Variants in CENPE observed in about 807,000 individuals in gnomAD.
CENPE encodes the protein centromere protein E.
In CENPE, 145 loss-of-function variants were observed where a neutral mutation model predicts 336.1. That is an observed-to-expected ratio of 0.43 (90% CI 0.38 to 0.50). The LOEUF (loss-of-function observed/expected upper bound fraction) is 0.50, where lower values mean the gene tolerates loss of function less well. Ranked by LOEUF, CENPE falls within the 20% of genes least tolerant of loss-of-function variation. The pLI, the probability that CENPE is intolerant of heterozygous loss-of-function variation, is 0.00. For synonymous variants in CENPE, 1,013 were observed against 984.8 expected (o/e 1.03, Z -0.54); for missense variants, 2,719 against 3,023.3 (o/e 0.90, Z 2.36).
intron 8 of CENPE, among the ~76,000 whole-genome samples, chr4:103,189,017 C>G (rs1035633624): frequency 6.6e-6 from 1 of 152,190 alleles, no homozygotes; most frequent in Non-Finnish European, 1.5e-5. Flanking sequence ...ATAAACACCT[C>G]TATGCAAATA....
intron 48 of CENPE, 83 bp downstream of exon 48, chr4:103,108,719 TA>T: frequency 7.8e-7 from 1 of 1,277,632 alleles, no homozygotes; most frequent in Non-Finnish European, 1.1e-6. Flanking sequence ...ATCTCTTATC[TA>T]AACTTGCCCT....
At chr4:103,115,822 C>A (rs922676989) in intron 45 of CENPE, among the ~76,000 whole-genome samples, 2 of 151,436 alleles carry the variant, frequency 1.3e-5, no homozygotes, top group Non-Finnish European at 2.9e-5. Context: ...GCTCCGCCTC[C>A]CGGGTTCACA....
Position 103,140,254 on chromosome 4 carries a change from A to T in CENPE, c.5913+2T>A. On this transcript the variant is annotated splice_donor_variant, in intron 37 of 48. Transcript: ENST00000265148. LOFTEE classifies it high-confidence loss of function. ...CCAAAAGAAGAACAAAACAACACAT[A>T]CCTTTTTCTGTAATTCATCTTTTGA... The T allele has an allele frequency of 1.3e-6, 2 of 1,587,360 alleles. No homozygotes were observed. The highest frequency in any genetic ancestry group is 1.7e-6 in the Non-Finnish European group (2 of 1,170,664).
At position 103,132,083 on chromosome 4, in the gene CENPE, C is replaced by G. The variant is rs189628959; in HGVS notation, c.6924+610G>C. Among the ~76,000 whole-genome samples, 17 of 152,134 alleles carry G rather than the reference C, an allele frequency of 1.1e-4. No individual in the cohort carries two copies. In the East Asian group the frequency reaches 3.3e-3, roughly 29 times the overall value. ...GAATGTACTATGCCAAGTGTGAACC[C>G]TAATGTAAGCTACGGACTCTCTTGG... On this transcript the variant is annotated intron_variant, in intron 42 of 48. Coordinates refer to ENST00000265148, the MANE Select transcript of CENPE (RefSeq NM_001813.3).
intron 42 of CENPE, among the ~76,000 whole-genome samples, chr4:103,126,327 G>C (rs1042414042): frequency 6.6e-6 from 1 of 151,912 alleles, no homozygotes; most frequent in Non-Finnish European, 1.5e-5. Flanking sequence ...TTTCACCAGA[G>C]CCTAACATGC....
chr4:103,116,865 AT>A lies in CENPE; in HGVS notation c.7330-177del, dbSNP rs74503900. Among the ~76,000 whole-genome samples, 17 of 152,282 alleles carry A rather than the reference AT, an allele frequency of 1.1e-4. No homozygotes were observed. In the East Asian group the frequency reaches 3.3e-3, roughly 29 times the overall value. ...ATAACTAGATATTGATATGAAGTCT[AT>A]TTGAAGCTAATATGCAATTAGAAAC... is the stretch of plus-strand genomic sequence containing the variant. On this transcript the variant is annotated intron_variant, in intron 44 of 48. Coordinates refer to ENST00000265148, the MANE Select transcript of CENPE (RefSeq NM_001813.3).
At chr4:103,154,583 G>A (rs1352029475) in intron 24 of CENPE, among the ~76,000 whole-genome samples, 3 of 152,084 alleles carry the variant, frequency 2.0e-5, no homozygotes, top group Non-Finnish European at 4.4e-5. Flanking sequence ...GGACTAGTCT[G>A]TTAGATATTA....
At chr4:103,189,636 G>T (rs570492779) in intron 8 of CENPE, among the ~76,000 whole-genome samples, 32 of 152,214 alleles carry the variant, frequency 2.1e-4, no homozygotes, top group African/African-American at 7.7e-4. Flanking sequence ...TTGATGGGAC[G>T]TATCTCAAAA....
intron 38 of CENPE, among the ~76,000 whole-genome samples, 181 bp downstream of exon 38, chr4:103,139,608 G>T (rs1391302471): frequency 2.6e-5 from 4 of 152,072 alleles, no homozygotes; most frequent in Non-Finnish European, 5.9e-5. Flanking sequence ...GTTATTTTCT[G>T]AAAATATTTT....
At chr4:103,166,334 A>C (rs975680695) in intron 16 of CENPE, among the ~76,000 whole-genome samples, 2 of 152,200 alleles carry the variant, frequency 1.3e-5, no homozygotes, top group African/African-American at 4.8e-5. Flanking sequence ...CTGCGGCTTA[A>C]ATCCAGGCAA....
At chr4:103,175,430 C>A (rs1375782126) in intron 15 of CENPE, among the ~76,000 whole-genome samples, 1 of 151,886 alleles carries the variant, frequency 6.6e-6, no homozygotes, top group East Asian at 1.9e-4. Context: ...AACACTTTAT[C>A]AATAATACTT....
chr4:103,194,087 C>T (rs1250711086), intron 8 of CENPE, 142 bp downstream of exon 8: 3 of 612,450 alleles, frequency 4.9e-6, no homozygotes, highest in Non-Finnish European at 5.7e-6. Context: ...TTTGATGATA[C>T]TGACAAGACT....
intron 13 of CENPE, among the ~76,000 whole-genome samples, chr4:103,179,731 C>A (rs1249900562): frequency 6.6e-6 from 1 of 152,168 alleles, no homozygotes. Context: ...AAGAAATTGT[C>A]CAAGGCCAAG....
At chr4:103,147,182 T>G (rs1049977087) in intron 29 of CENPE, among the ~76,000 whole-genome samples, 174 bp downstream of exon 29, 1 of 152,208 alleles carries the variant, frequency 6.6e-6, no homozygotes, top group Non-Finnish European at 1.5e-5. Flanking sequence ...TTTCAATACC[T>G]TCTTGGTATT....
chr4:103,115,423 C>T (rs1291141731), intron 45 of CENPE, among the ~76,000 whole-genome samples: 1 of 151,884 alleles, frequency 6.6e-6, no homozygotes, highest in Non-Finnish European at 1.5e-5. Context: ...CGTGAGCCAC[C>T]GTGCCCGGCC....
intron 5 of CENPE, 94 bp from the exon 6 acceptor site, chr4:103,194,778 GAAAGTTA>G: frequency 1.1e-6 from 1 of 928,784 alleles, no homozygotes. Context: ...ATTCATTTGT[GAAAGTTA>G]AAAGTGGCAA....
intron 12 of CENPE, 80 bp downstream of exon 12, chr4:103,181,257 G>T: frequency 1.0e-6 from 1 of 970,488 alleles, no homozygotes; most frequent in Non-Finnish European, 1.4e-6. Context: ...ATTCAGGAAT[G>T]AAGAGTCTCT....
chr4:103,171,082 G>A (rs932431721), intron 16 of CENPE, among the ~76,000 whole-genome samples: 2 of 151,896 alleles, frequency 1.3e-5, no homozygotes, highest in East Asian at 3.9e-4. Flanking sequence ...AATAATAGAG[G>A]ATTTTGAAAC....
At chr4:103,160,859 T>A in intron 20 of CENPE, 80 bp from the exon 21 acceptor site, 1 of 1,223,398 alleles carries the variant, frequency 8.2e-7, no homozygotes, top group Non-Finnish European at 1.1e-6. Context: ...TTGAATCACC[T>A]TTTTCAGGAT....
Sources: allele counts gnomAD v4.1 joint callset (sites outside exome capture counted in the v4.1 genomes callset), GRCh38; gene constraint gnomAD v4.1.1; transcripts MANE v1.5; gene names NCBI Gene and HGNC (gene_info 2026-07-23, HGNC 2026-07-21).